The following MYO5C variants were observed in gnomAD, a reference collection of about 807,000 sequenced individuals.
MYO5C encodes myosin VC, also known as unconventional myosin-Vc.
MYO5C carries 194 observed loss-of-function variants against 235.7 expected under a neutral mutation model. That is an observed-to-expected ratio of 0.82 (90% CI 0.73 to 0.93). MYO5C has a LOEUF of 0.93. Among genes scored for constraint, MYO5C ranks in the 40% least tolerant of loss-of-function variants. The pLI is 0.00. For synonymous variants in MYO5C, 707 were observed against 754.8 expected, an observed-to-expected ratio of 0.94 and a Z score of 1.04; for missense variants, 2,038 against 2,127.2, an observed-to-expected ratio of 0.96 and a Z score of 0.82.
intron 22 of MYO5C, among the ~76,000 whole-genome samples, chr15:52,236,283 G>C (rs536459854): frequency 6.6e-6 from 1 of 152,208 alleles, no homozygotes; most frequent in Non-Finnish European, 1.5e-5. Flanking sequence ...CGATGCCCAC[G>C]GCAGCAGTGT....
chr15:52,277,284 C>A, intron 4 of MYO5C: 4 of 517,536 alleles, frequency 7.7e-6, no homozygotes, highest in South Asian at 5.8e-5. Flanking sequence ...CAAGGAGAAA[C>A]TGGCTCTTTA....
At chr15:52,219,223 T>C (rs942372366) in intron 31 of MYO5C, among the ~76,000 whole-genome samples, 1 of 152,178 alleles carries the variant, frequency 6.6e-6, no homozygotes, top group Non-Finnish European at 1.5e-5. Context: ...CTCAACAAGT[T>C]GGCAACAAAA....
At chr15:52,270,686 A>G (rs1412414678) in intron 7 of MYO5C, among the ~76,000 whole-genome samples, 2 of 147,892 alleles carry the variant, frequency 1.4e-5, no homozygotes, top group Non-Finnish European at 3.1e-5. Context: ...ATGTATGTAT[A>G]CACATGTATG....
chr15:52,261,257 C>G (rs2036689599), intron 9 of MYO5C, 130 bp from the exon 10 acceptor site: 1 of 1,026,884 alleles, frequency 9.7e-7, no homozygotes, highest in Non-Finnish European at 1.4e-6. Context: ...ACAAGGACGC[C>G]CAGCCTCAGG....
At chr15:52,282,132 G>C (rs149978819) in intron 2 of MYO5C, among the ~76,000 whole-genome samples, 1 of 152,198 alleles carries the variant, frequency 6.6e-6, no homozygotes, top group African/African-American at 2.4e-5. Flanking sequence ...CCTACCACAG[G>C]AGCAACTGCT....
At chr15:52,292,000 A>G (rs558881226) in intron 1 of MYO5C, among the ~76,000 whole-genome samples, 13 of 151,804 alleles carry the variant, frequency 8.6e-5, no homozygotes, top group Non-Finnish European at 1.5e-4. Context: ...CGGCCTCCCA[A>G]AGTGCTGGGA....
chr15:52,209,649 A>G (rs1250428535), intron 35 of MYO5C, among the ~76,000 whole-genome samples: 1 of 152,218 alleles, frequency 6.6e-6, no homozygotes, highest in Non-Finnish European at 1.5e-5. Context: ...ATTCCAGAGC[A>G]TCAAGGGGAA....
At chr15:52,273,309 C>T (rs533484118) in intron 5 of MYO5C, among the ~76,000 whole-genome samples, 1 of 152,278 alleles carries the variant, frequency 6.6e-6, no homozygotes, top group South Asian at 2.1e-4. Flanking sequence ...GGTAACTTAG[C>T]GAGACCCTGT....
chr15:52,199,173 C>G (rs1362198314), intron 38 of MYO5C, among the ~76,000 whole-genome samples: 1 of 151,500 alleles, frequency 6.6e-6, no homozygotes, highest in East Asian at 1.9e-4. Flanking sequence ...GATTTACAGG[C>G]GTGAGCCACC....
intron 32 of MYO5C, among the ~76,000 whole-genome samples, chr15:52,217,950 C>T (rs570222926): frequency 3.3e-4 from 50 of 152,182 alleles, no homozygotes; most frequent in Admixed American, 5.2e-4. Flanking sequence ...CTGGGTTCCA[C>T]ACAGCATCAC....
intron 31 of MYO5C, 41 bp downstream of exon 31, chr15:52,219,718 A>G: frequency 6.7e-7 from 1 of 1,495,126 alleles, no homozygotes. Flanking sequence ...GAAAAGCATT[A>G]CACGAGCATG....
intron 19 of MYO5C, 27 bp downstream of exon 19, chr15:52,244,329 C>CA (rs757329868): frequency 1.2e-6 from 2 of 1,603,866 alleles, no homozygotes; most frequent in Non-Finnish European, 1.7e-6. Flanking sequence ...CCCACAGTTC[C>CA]ACATGTGTTC....
chr15:52,208,539 G>T lies in MYO5C; in HGVS notation c.4386+15C>A. 6.2e-7 allele frequency: 1 copy of T among 1,612,972 alleles called. No homozygotes were observed. Among genetic ancestry groups the T allele is most frequent in the Non-Finnish European group, 8.5e-7 (1 of 1,179,178 alleles). On this transcript the variant is annotated intron_variant, in intron 36 of 40. Coordinates refer to ENST00000261839, the MANE Select transcript of MYO5C (RefSeq NM_018728.4). Reference sequence around the variant, plus strand: ...GCTGTCAGCACAAAACAACAAGCAGGTGGGCGCCCCCTACCTCTTCTCCGC... The same window carrying T: ...GCTGTCAGCACAAAACAACAAGCAGTTGGGCGCCCCCTACCTCTTCTCCGC...
intron 29 of MYO5C, among the ~76,000 whole-genome samples, chr15:52,223,148 CAAAA>C (rs59251560): frequency 2.2e-3 from 289 of 128,824 alleles, no homozygotes; most frequent in Middle Eastern, 4.0e-3. Context: ...GACTTCATCT[CAAAA>C]AAAAAAAAAA....
At chr15:52,230,490 C>A (rs181567944) in intron 24 of MYO5C, among the ~76,000 whole-genome samples, 25 of 151,424 alleles carry the variant, frequency 1.7e-4, no homozygotes, top group African/African-American at 5.8e-4. Flanking sequence ...CTCACTGCAA[C>A]CTCCGCCCCC....
chr15:52,260,973 A>G lies in MYO5C; in HGVS notation c.1202T>C (p.Leu401Pro). The G allele has an allele frequency of 6.2e-7, 1 of 1,614,216 alleles. No individual in the cohort carries two copies. Among genetic ancestry groups the G allele is most frequent in the Non-Finnish European group, 8.5e-7 (1 of 1,180,018 alleles). The change falls in exon 10 of 41, where the codon CTG becomes CCG. Residue 401 changes from leucine (L) to proline (P), a missense_variant. By Grantham distance (98) the Leu-to-Pro change is moderately conservative. Coordinates refer to ENST00000261839, the MANE Select transcript of MYO5C (RefSeq NM_018728.4). ...RPQAVNARDA[L>P]AKKIYAHLFD... ...CAGGTGAGCATAGATCTTTTTGGCC[A>G]GTGCATCCCTGGCGTTGACAGCCTG...
intron 1 of MYO5C, among the ~76,000 whole-genome samples, chr15:52,286,955 A>G (rs1163405972): frequency 1.4e-5 from 2 of 139,622 alleles, no homozygotes; most frequent in African/African-American, 2.5e-5. Context: ...AAAAAGAAAA[A>G]AGAAAAAAAA....
intron 28 of MYO5C, among the ~76,000 whole-genome samples, chr15:52,224,125 A>G (rs932365374): frequency 6.6e-6 from 1 of 152,202 alleles, no homozygotes; most frequent in African/African-American, 2.4e-5. Context: ...TCTACTAAAA[A>G]TACAAAAATT....
intron 20 of MYO5C, among the ~76,000 whole-genome samples, chr15:52,241,329 G>A (rs1396448140): frequency 7.5e-6 from 1 of 132,792 alleles, no homozygotes; most frequent in African/African-American, 2.8e-5. Context: ...GTGCAATCTT[G>A]GCTCACTGCA....
Sources: gnomAD v4.1 joint callset for allele counts (sites outside exome capture counted in the v4.1 genomes callset) on GRCh38, gnomAD v4.1.1 for gene constraint, MANE v1.5 for transcripts, NCBI Gene and HGNC (gene_info 2026-07-23, HGNC 2026-07-21) for gene names.